Variants in SHISA7 observed in about 807,000 individuals in gnomAD.
SHISA7 encodes the protein shisa family member 7.
A neutral mutation model predicts 23.9 loss-of-function variants in SHISA7; 6 were observed. That is an observed-to-expected ratio of 0.25 (90% CI 0.14 to 0.50). SHISA7 has a LOEUF of 0.50. SHISA7 is among the 20% of genes least tolerant of loss of function. The pLI is 0.98. For missense variants in SHISA7, 671 were observed against 801.1 expected, an observed-to-expected ratio of 0.84 and a Z score of 1.96; for synonymous variants, 386 against 398.3, an observed-to-expected ratio of 0.97 and a Z score of 0.37.
rs899987791 is a variant in SHISA7 at position 55,442,639 on chromosome 19, C to A, written c.225G>T (p.Ala75=). ...PAGGAGAAAR[A]PPPAELCHGY... ...CGTGGCAGAGCTCGGCGGGAGGGGGCGCCCGGGCCGCCGCGCCCGCCCCGC... is the reference window on the plus strand; with the variant it reads ...CGTGGCAGAGCTCGGCGGGAGGGGGAGCCCGGGCCGCCGCGCCCGCCCCGC... Residue 75 remains alanine, a synonymous_variant, in exon 1 of 4, where the codon GCG becomes GCT. Coordinates refer to ENST00000376325, the MANE Select transcript of SHISA7 (RefSeq NM_001145176.2). The A allele has an allele frequency of 1.5e-6, 2 of 1,344,712 alleles. No individual in the cohort carries two copies. The highest frequency in any genetic ancestry group is 9.7e-7 in the Non-Finnish European group (1 of 1,033,980). The allele number at this position is 1,344,712 out of a possible 1,614,324, so 83.3% of individuals were successfully genotyped here. A position where few individuals can be genotyped will look rare whatever the true frequency, so the allele number is the denominator to read the frequency against.
chr19:55,437,157 G>T (rs1038009776), intron 3 of SHISA7, among the ~76,000 whole-genome samples: 7 of 152,214 alleles, frequency 4.6e-5, no homozygotes, highest in Middle Eastern at 3.4e-3. Flanking sequence ...TGGTAGAACG[G>T]CAGCCTGAAC....
chr19:55,430,744 G>C lies in SHISA7; in HGVS notation c.*2412C>G, dbSNP rs1985167486. On this transcript the variant is annotated 3_prime_UTR_variant, in exon 4 of 4. Coordinates refer to ENST00000376325, the MANE Select transcript of SHISA7 (RefSeq NM_001145176.2). ...ACAGCACTGGACCTCATGGATCACG[G>C]ATGATGACACCAGGGTTATGGCGGA... 6.7e-6 allele frequency: 1 copy of C among 149,402 alleles called. No individual in the cohort carries two copies. The highest frequency in any genetic ancestry group is 2.5e-5 in the African/African-American group (1 of 40,326). The allele number at this position is 149,402 out of a possible 1,614,324, so 9.3% of individuals were successfully genotyped here.
chr19:55,435,089 GGTGTGTGTGTA>G lies in SHISA7; in HGVS notation c.977-1304_977-1294del, dbSNP rs1568450904. 9.2e-3 allele frequency among the ~76,000 whole-genome samples: 555 copies of G among 60,122 alleles called. 24 individuals are homozygous for G. The highest frequency in any genetic ancestry group is 0.027 in the East Asian group (34 of 1,260). 39.4% of individuals were successfully genotyped at this position (60,122 alleles called of 152,430 possible). Reference sequence around the variant, plus strand: ...TGTGTATGGTGTGTGTGGTGTGTGTGGTGTGTGTGTATGGTGTGTGTGTGGTGTGTGTGGTG... The same window carrying G: ...TGTGTATGGTGTGTGTGGTGTGTGTGTGGTGTGTGTGTGGTGTGTGTGGTG... On this transcript the variant is annotated intron_variant, in intron 3 of 3. Coordinates refer to ENST00000376325, the MANE Select transcript of SHISA7 (RefSeq NM_001145176.2).
Position 55,442,259 on chromosome 19 carries a change from C to A in SHISA7, c.605G>T (p.Gly202Val), listed in dbSNP as rs2123358845. 1 of 1,533,964 alleles carries A rather than the reference C, an allele frequency of 6.5e-7. No individual in the cohort carries two copies. Among genetic ancestry groups the A allele is most frequent in the South Asian group, 1.2e-5 (1 of 83,988 alleles). Reference protein sequence around the residue: ...VISFALAVGVGAKVAFSKASR... With the variant: ...VISFALAVGVVAKVAFSKASR... ...CGCCTTGCTGAAGGCCACTTTGGCG[C>A]CGACGCCCACGGCCAGGGCGAAGCT... The change falls in exon 1 of 4, where the codon GGC becomes GTC. Residue 202 changes from glycine to valine, a missense_variant. Transcript: ENST00000376325.
intron 2 of SHISA7, among the ~76,000 whole-genome samples, chr19:55,438,801 G>A (rs1363768521): frequency 6.6e-6 from 1 of 152,148 alleles, no homozygotes; most frequent in East Asian, 1.9e-4. Context: ...CTGAGGCTGG[G>A]GGTCTTGAAG....
chr19:55,435,841 G>A (rs572353954), intron 3 of SHISA7, among the ~76,000 whole-genome samples: 3 of 151,854 alleles, frequency 2.0e-5, no homozygotes, highest in Non-Finnish European at 2.9e-5. Context: ...TAATTATTAA[G>A]GCTGAGTGAT....
chr19:55,439,909 CA>C (rs1169445134), intron 2 of SHISA7, among the ~76,000 whole-genome samples: 10 of 152,072 alleles, frequency 6.6e-5, no homozygotes, highest in African/African-American at 2.4e-4. Context: ...CACATCTTCT[CA>C]GTTCCCCTGA....
Position 55,442,235 on chromosome 19 carries a change from G to A in SHISA7, c.629C>T (p.Ala210Val), listed in dbSNP as rs1390032357. 1 of 1,534,244 alleles carries A rather than the reference G, an allele frequency of 6.5e-7. No individual in the cohort carries two copies. Among genetic ancestry groups the A allele is most frequent in the Non-Finnish European group, 8.7e-7 (1 of 1,145,970 alleles). The stretch of plus-strand genomic sequence containing the variant: ...CCGGTGCGCCCGGGGCGCACGGGAC[G>A]CCTTGCTGAAGGCCACTTTGGCGCC... ...GVGAKVAFSK[A>V]SRAPRAHRDI... The change falls in exon 1 of 4, where the codon GCG becomes GTG. Residue 210 changes from alanine to valine, a missense_variant. By Grantham distance (64) the Ala-to-Val change is moderately conservative. This residue lies in a region of SHISA7 where 457 missense variants were observed against 488.3 expected (regional missense o/e 0.94). Coordinates refer to ENST00000376325, the MANE Select transcript of SHISA7 (RefSeq NM_001145176.2).
Position 55,433,098 on chromosome 19 carries a change from G to T in SHISA7, c.*58C>A. 1.4e-6 allele frequency: 2 copies of T among 1,475,474 alleles called. No homozygotes were observed. The highest frequency in any genetic ancestry group is 1.8e-6 in the Non-Finnish European group (2 of 1,120,080). 91.4% of individuals were successfully genotyped at this position (1,475,474 alleles called of 1,614,324 possible). On this transcript the variant is annotated 3_prime_UTR_variant, in exon 4 of 4. Coordinates refer to ENST00000376325, the MANE Select transcript of SHISA7 (RefSeq NM_001145176.2). The surrounding 1 kb of genome is among the most constrained non-coding windows in gnomAD (Gnocchi z 8.4). ...TGGCATGTGTGCGCCTGTGTCGGGG[G>T]ATCCAGGCTGGGACGGGGGGCCCGG...
chr19:55,437,652 G>T lies in SHISA7; in HGVS notation c.929C>A (p.Ala310Asp). 8 of 1,551,622 alleles carry T rather than the reference G, an allele frequency of 5.2e-6. No homozygotes were observed. The highest frequency in any genetic ancestry group is 7.0e-6 in the Non-Finnish European group (8 of 1,146,962). ...GCGGTTCAGCTCGGATTTCACGGCA[G>T]CCTCGTAGGACGGGGGCAGATGCGA... ...NLSHLPPSYEAAVKSELNRYS... is the reference protein window; with the variant it reads ...NLSHLPPSYEDAVKSELNRYS... Residue 310 changes from alanine (A) to aspartate (D), a missense_variant, in exon 3 of 4, where the codon GCT becomes GAT. Transcript: ENST00000376325.
At chr19:55,435,070 T>C (rs137954076) in intron 3 of SHISA7, among the ~76,000 whole-genome samples, 18,490 of 60,670 alleles carry the variant, frequency 0.3, 2,859 homozygotes, top group East Asian at 0.71. Context: ...GTAGTGTGTA[T>C]GGTGTGTGTG....
At chr19:55,435,082 T>G (rs1599872442) in intron 3 of SHISA7, among the ~76,000 whole-genome samples, 2 of 51,390 alleles carry the variant, frequency 3.9e-5, no homozygotes, top group African/African-American at 1.5e-4. Flanking sequence ...GTGTGTGTGG[T>G]GTGTGTGGTG....
At chr19:55,438,750 G>A (rs759216494) in intron 2 of SHISA7, 6 of 640,196 alleles carry the variant, frequency 9.4e-6, no homozygotes, top group Non-Finnish European at 1.3e-5. Context: ...CCTCGTTAGA[G>A]CTCCACAGAT....
chr19:55,441,718 A>G (rs1985602102), intron 1 of SHISA7, among the ~76,000 whole-genome samples: 1 of 152,238 alleles, frequency 6.6e-6, no homozygotes, highest in African/African-American at 2.4e-5. Context: ...ACCGTGTGCC[A>G]GGACCCTGCA....
In SHISA7 at chr19:55,440,756, C is replaced by A; in HGVS notation, c.681G>T (p.Val227=). Reference sequence around the variant, plus strand: ...GCCCCGCCTGATGTCTCAGAATGTCCACCAGAGCTCTAAAGGTGGCAGAGA... The same window carrying A: ...GCCCCGCCTGATGTCTCAGAATGTCAACCAGAGCTCTAAAGGTGGCAGAGA... ...HRDINVPRAL[V]DILRHQAGPG... is the part of the protein sequence containing the mutation. Residue 227 remains valine (V), a synonymous_variant, in exon 2 of 4, where the codon GTG becomes GTT. Transcript: ENST00000376325. The A allele has an allele frequency of 8.0e-7, 1 of 1,243,798 alleles. No individual in the cohort carries two copies. The highest frequency in any genetic ancestry group is 1.0e-6 in the Non-Finnish European group (1 of 988,192). The allele number at this position is 1,243,798 out of a possible 1,614,324, so 77.0% of individuals were successfully genotyped here. A position where few individuals can be genotyped will look rare whatever the true frequency, so the allele number is the denominator to read the frequency against.
In SHISA7 at chr19:55,442,343, C is replaced by T. The variant is rs1186755505; in HGVS notation, c.521G>A (p.Gly174Glu). The T allele has an allele frequency of 1.4e-6, 2 of 1,473,804 alleles. No individual in the cohort carries two copies. The highest frequency in any genetic ancestry group is 1.3e-5 in the South Asian group (1 of 77,708). 91.3% of individuals were successfully genotyped at this position (1,473,804 alleles called of 1,614,324 possible). The change falls in exon 1 of 4, where the codon GGG becomes GAG. Residue 174 changes from glycine (G) to glutamate (E), a missense_variant. Physicochemically the swap from Gly to Glu is moderately conservative, Grantham distance 98 (BLOSUM62 -2). This residue lies in a region of SHISA7 where 59 missense variants were observed against 57.2 expected (regional missense o/e 1.03). Coordinates refer to ENST00000376325, the MANE Select transcript of SHISA7 (RefSeq NM_001145176.2). ...CCCGGGGCCCTCGCCCCCGCGGCCC[C>T]CGGCACCCCCAGTCCGGCCCCCTTC... ...WLEGGRTGGA[G>E]GRGGEGPGGS...
chr19:55,442,428 C>G lies in SHISA7; in HGVS notation c.436G>C (p.Gly146Arg). The change falls in exon 1 of 4, where the codon GGC becomes CGC. Residue 146 changes from glycine (G) to arginine (R), a missense_variant. This residue lies in a region of SHISA7 where 48 missense variants were observed against 111.0 expected (regional missense o/e 0.43). Transcript: ENST00000376325. ...CCCGCACCCCCAGCGCCCCCGGCGC[C>G]CCCAGCTAGCGGCGGCGGCGTGGTG... ...WATTPPPLAG[G>R]AGGAGGAGGG... is the part of the protein sequence containing the mutation. The G allele has an allele frequency of 7.1e-7, 1 of 1,414,964 alleles. No individual in the cohort carries two copies. Among genetic ancestry groups the G allele is most frequent in the Non-Finnish European group, 9.2e-7 (1 of 1,081,632 alleles). The allele number at this position is 1,414,964 out of a possible 1,614,324, so 87.7% of individuals were successfully genotyped here.
intron 2 of SHISA7, among the ~76,000 whole-genome samples, chr19:55,439,251 C>T (rs1226242906): frequency 1.3e-5 from 2 of 152,242 alleles, no homozygotes; most frequent in Non-Finnish European, 2.9e-5. Context: ...GCCACAGGGC[C>T]TTTGCACATG....
At position 55,433,323 on chromosome 19, in the gene SHISA7, CGTGCAGGGCGTGGTG is replaced by C; in HGVS notation, c.1435_1449del (p.His479_His483del). 1.4e-6 allele frequency: 2 copies of C among 1,460,882 alleles called. No homozygotes were observed. Among genetic ancestry groups the C allele is most frequent in the Admixed American group, 2.4e-5 (1 of 40,878 alleles). The allele number at this position is 1,460,882 out of a possible 1,614,324, so 90.5% of individuals were successfully genotyped here. ...GACATCCAGGCCGGCTGCGGCGAGC[CGTGCAGGGCGTGGTG>C]GTGGTGGGCGTGCAGGCTGGACGGT... On this transcript the variant is annotated inframe_deletion, in exon 4 of 4. Coordinates refer to ENST00000376325, the MANE Select transcript of SHISA7 (RefSeq NM_001145176.2). The surrounding 1 kb of genome is among the most constrained non-coding windows in gnomAD (Gnocchi z 8.4).
Sources: allele counts gnomAD v4.1 joint callset (sites outside exome capture counted in the v4.1 genomes callset), GRCh38; gene constraint gnomAD v4.1.1; regional missense constraint gnomAD v4.1.1; non-coding constraint Gnocchi (gnomAD v3.1); transcripts MANE v1.5; gene names NCBI Gene and HGNC (gene_info 2026-07-23, HGNC 2026-07-21).